Variants in DRC7 observed in about 807,000 individuals in gnomAD.
DRC7 encodes the protein dynein regulatory complex subunit 7.
In DRC7, 80 loss-of-function variants were observed where a neutral mutation model predicts 104.4. That is an observed-to-expected ratio of 0.77 (90% CI 0.64 to 0.92). The LOEUF (loss-of-function observed/expected upper bound fraction) is 0.92, where lower values mean the gene tolerates loss of function less well. Among genes scored for constraint, DRC7 ranks in the 40% least tolerant of loss-of-function variants. The pLI, the probability that DRC7 is intolerant of heterozygous loss-of-function variation, is 0.00. For synonymous variants in DRC7, 405 were observed against 447.3 expected (o/e 0.91, Z 1.19); for missense variants, 1,034 against 1,141.1 (o/e 0.91, Z 1.35).
At position 57,696,492 on chromosome 16, in the gene DRC7, A is replaced by C. The variant is rs2048593714; in HGVS notation, c.-140A>C. ...CGGGTCACATCGCAGGGCCACCTCT[A>C]GCTGCAAGAGAATCTGGGAAGCTGA... On this transcript the variant is annotated 5_prime_UTR_variant, in exon 2 of 19. Transcript: ENST00000360716. 1 of 152,292 alleles carries C rather than the reference A, an allele frequency of 6.6e-6. No individual in the cohort carries two copies. The highest frequency in any genetic ancestry group is 1.5e-5 in the Non-Finnish European group (1 of 68,096). The allele number at this position is 152,292 out of a possible 1,614,324, so 9.4% of individuals were successfully genotyped here.
At chr16:57,717,295 TG>T (rs1166206978) in intron 8 of DRC7, among the ~76,000 whole-genome samples, 1 of 132,528 alleles carries the variant, frequency 7.5e-6, no homozygotes, top group African/African-American at 3.0e-5. Flanking sequence ...AGTACAGTGG[TG>T]TGTTCACAGC....
Position 57,700,158 on chromosome 16 carries a change from C to T in DRC7, c.392C>T (p.Thr131Ile), listed in dbSNP as rs2048641628. The T allele has an allele frequency of 6.2e-7, 1 of 1,613,790 alleles. No individual in the cohort carries two copies. Among genetic ancestry groups the T allele is most frequent in the Admixed American group, 1.7e-5 (1 of 59,994 alleles). Residue 131 changes from threonine to isoleucine, a missense_variant, in exon 5 of 19, where the codon ACA becomes ATA. By Grantham distance (89) the Thr-to-Ile change is moderately conservative. Coordinates refer to ENST00000360716, the MANE Select transcript of DRC7 (RefSeq NM_001289162.2). ...CTCTCCTTGCAGAAGTTCGTGAGCACAACCCTCCGGCCCACACTGATGCCC... is the reference window on the plus strand; with the variant it reads ...CTCTCCTTGCAGAAGTTCGTGAGCATAACCCTCCGGCCCACACTGATGCCC... Reference protein sequence around the residue: ...NECEVPKFVSTTLRPTLMPYP... With the variant: ...NECEVPKFVSITLRPTLMPYP...
intron 8 of DRC7, among the ~76,000 whole-genome samples, chr16:57,708,723 A>G (rs945913951): frequency 3.3e-5 from 5 of 152,190 alleles, no homozygotes; most frequent in African/African-American, 7.2e-5. Context: ...CCAGCAATGT[A>G]TGAGGGTTCT....
At chr16:57,714,634 T>TCACA (rs111259708) in intron 8 of DRC7, 1,979 of 186,898 alleles carry the variant, frequency 0.011, 47 homozygotes, top group African/African-American at 0.044. Context: ...TCTCTCTCTG[T>TCACA]CACACACACA....
intron 14 of DRC7, chr16:57,726,574 G>T: frequency 1.8e-6 from 1 of 555,644 alleles, no homozygotes; most frequent in South Asian, 2.2e-5. Context: ...GAGGGGAAGA[G>T]TCTCACTACC....
chr16:57,706,022 A>C (rs2048719490), intron 7 of DRC7, among the ~76,000 whole-genome samples: 2 of 81,916 alleles, frequency 2.4e-5, no homozygotes, highest in Admixed American at 1.3e-4. Flanking sequence ...CCTCCCATCC[A>C]TCCATCCTCC....
At chr16:57,709,191 C>A (rs1346065668) in intron 8 of DRC7, among the ~76,000 whole-genome samples, 1 of 150,640 alleles carries the variant, frequency 6.6e-6, no homozygotes, top group Non-Finnish European at 1.5e-5. Flanking sequence ...AAGTTTTAAA[C>A]CTGCTTATTC....
At position 57,727,350 on chromosome 16, in the gene DRC7, A is replaced by G; in HGVS notation, c.2137A>G (p.Thr713Ala). 6.2e-7 allele frequency: 1 copy of G among 1,613,402 alleles called. No individual in the cohort carries two copies. Among genetic ancestry groups the G allele is most frequent in the Non-Finnish European group, 8.5e-7 (1 of 1,179,912 alleles). Residue 713 changes from threonine (T) to alanine (A), a missense_variant, in exon 16 of 19, where the codon ACC becomes GCC. Transcript: ENST00000360716. ...REEEEAAHTL[T>A]ISIYDTKRNE... ...GGAAGAGGAGGCGGCGCACACACTG[A>G]CCATCTCCATCTATGACACCAAGCG...
chr16:57,724,751 C>T lies in DRC7; in HGVS notation c.1674C>T (p.Phe558=). 1 of 1,613,908 alleles carries T rather than the reference C, an allele frequency of 6.2e-7. No individual in the cohort carries two copies. Among genetic ancestry groups the T allele is most frequent in the Non-Finnish European group, 8.5e-7 (1 of 1,180,022 alleles). Residue 558 remains phenylalanine (F), a synonymous_variant, in exon 13 of 19, where the codon TTC becomes TTT. Transcript: ENST00000360716. ...AGTACTATCAAGGACGCCCAGACTTCCTCTCCTACCGCCATGCCAGCTTCG... is the reference window on the plus strand; with the variant it reads ...AGTACTATCAAGGACGCCCAGACTTTCTCTCCTACCGCCATGCCAGCTTCG... ...MTEYYQGRPD[F]LSYRHASFGP...
intron 8 of DRC7, among the ~76,000 whole-genome samples, chr16:57,711,568 A>G (rs1201153026): frequency 6.6e-6 from 1 of 152,252 alleles, no homozygotes; most frequent in African/African-American, 2.4e-5. Context: ...CAGTGTGCCC[A>G]GATTGTAACC....
chr16:57,723,259 T>A, intron 12 of DRC7, 129 bp downstream of exon 12: 2 of 1,123,724 alleles, frequency 1.8e-6, no homozygotes, highest in Non-Finnish European at 2.5e-6. Context: ...CAGCAAGCAG[T>A]AGAAGCTGCC....
intron 13 of DRC7, chr16:57,725,407 C>T (rs2048950932): frequency 6.4e-6 from 1 of 155,946 alleles, no homozygotes; most frequent in African/African-American, 2.4e-5. Context: ...ACCATATCAC[C>T]AAATGCGCCA....
chr16:57,727,594 T>A (rs550592537), intron 16 of DRC7, among the ~76,000 whole-genome samples, 185 bp downstream of exon 16: 3 of 152,232 alleles, frequency 2.0e-5, no homozygotes, highest in Non-Finnish European at 4.4e-5. Flanking sequence ...TACTTGGGAT[T>A]TGGGCAAGGT....
At chr16:57,705,112 A>C in intron 7 of DRC7, 78 bp downstream of exon 7, 1 of 1,480,734 alleles carries the variant, frequency 6.8e-7, no homozygotes, top group South Asian at 1.3e-5. Context: ...GGCATAGGTC[A>C]TGGAGGGGAT....
At chr16:57,703,958 C>T in intron 6 of DRC7, among the ~76,000 whole-genome samples, 1 of 110,276 alleles carries the variant, frequency 9.1e-6, no homozygotes, top group Admixed American at 1.1e-4. Context: ...CAGAGGGATA[C>T]TCTGGCTCCA....
intron 6 of DRC7, 82 bp from the exon 7 acceptor site, chr16:57,704,794 T>A: frequency 6.6e-7 from 1 of 1,523,182 alleles, no homozygotes; most frequent in Non-Finnish European, 8.9e-7. Context: ...AGGGACTGGC[T>A]GGGCGGGTCT....
rs190774910 is a variant in DRC7 at position 57,715,186 on chromosome 16, T to A, written c.1078-3161T>A. The stretch of plus-strand genomic sequence containing the variant: ...CCTCAGCCTCCTGAGTAGCTGGGAT[T>A]ACAGGCATGCACTACCACAAGTGGC... On this transcript the variant is annotated intron_variant, in intron 8 of 18. Coordinates refer to ENST00000360716, the MANE Select transcript of DRC7 (RefSeq NM_001289162.2). 3.9e-5 allele frequency among the ~76,000 whole-genome samples: 6 copies of A among 152,310 alleles called. No homozygotes were observed. In the East Asian group the frequency reaches 1.2e-3, roughly 29 times the overall value.
chr16:57,729,789 G>C, intron 17 of DRC7, among the ~76,000 whole-genome samples: 1 of 142,146 alleles, frequency 7.0e-6, no homozygotes, highest in East Asian at 2.2e-4. Flanking sequence ...TGGGTGGATG[G>C]GTGGATGGAT....
chr16:57,727,801 G>A (rs984300542), intron 16 of DRC7, among the ~76,000 whole-genome samples: 23 of 152,234 alleles, frequency 1.5e-4, no homozygotes, highest in African/African-American at 5.5e-4. Context: ...ACACCTTCAG[G>A]TTGCAAGGCC....
Sources: gnomAD v4.1 joint callset for allele counts (sites outside exome capture counted in the v4.1 genomes callset) on GRCh38, gnomAD v4.1.1 for gene constraint, MANE v1.5 for transcripts, NCBI Gene and HGNC (gene_info 2026-07-23, HGNC 2026-07-21) for gene names.